SYN3: variants seen among roughly 807,000 people sequenced by gnomAD.
SYN3 encodes the protein synapsin III.
SYN3 carries 35 observed loss-of-function variants against 65.8 expected under a neutral mutation model. The observed-to-expected ratio is 0.53, with a 90% CI of 0.41 to 0.70. SYN3 has a LOEUF of 0.70. Ranked by LOEUF, SYN3 falls within the 30% of genes least tolerant of loss-of-function variation. SYN3 has a pLI of 0.00. For missense variants in SYN3, 680 were observed against 749.0 expected (o/e 0.91, Z 1.08); for synonymous variants, 270 against 292.9 (o/e 0.92, Z 0.80).
intron 6 of SYN3, among the ~76,000 whole-genome samples, chr22:32,755,370 C>T (rs1216920469): frequency 6.6e-6 from 1 of 152,192 alleles, no homozygotes; most frequent in Non-Finnish European, 1.5e-5. Flanking sequence ...GGAAAGCAAT[C>T]TTGAGAGCCC....
intron 6 of SYN3, among the ~76,000 whole-genome samples, chr22:32,806,589 T>C (rs578186286): frequency 6.6e-6 from 1 of 152,326 alleles, no homozygotes; most frequent in East Asian, 1.9e-4. Flanking sequence ...TGGGGCTTGT[T>C]GGCTGTGTGT....
At chr22:32,567,851 G>A (rs1035717425) in intron 7 of SYN3, among the ~76,000 whole-genome samples, 7 of 152,108 alleles carry the variant, frequency 4.6e-5, no homozygotes, top group Non-Finnish European at 1.0e-4. Flanking sequence ...CCAGGAAGAG[G>A]AGGTTTATTG....
At chr22:32,518,768 A>G (rs1227456981) in intron 12 of SYN3, among the ~76,000 whole-genome samples, 1 of 152,182 alleles carries the variant, frequency 6.6e-6, no homozygotes, top group Admixed American at 6.5e-5. Context: ...CAAAATAAAG[A>G]TTCTGATAGA....
chr22:32,682,789 G>C (rs914228745), intron 6 of SYN3, among the ~76,000 whole-genome samples: 82 of 152,252 alleles, frequency 5.4e-4, no homozygotes, highest in Middle Eastern at 3.4e-3. Flanking sequence ...TGCCTGGACT[G>C]CAGGTAGGCA....
intron 6 of SYN3, among the ~76,000 whole-genome samples, chr22:32,625,554 T>C (rs1420405514): frequency 6.6e-6 from 1 of 152,216 alleles, no homozygotes; most frequent in African/African-American, 2.4e-5. Context: ...ACGGAATAAA[T>C]AGACCACTTT....
intron 3 of SYN3, among the ~76,000 whole-genome samples, chr22:32,941,767 G>A (rs1003179822): frequency 3.3e-5 from 5 of 152,218 alleles, no homozygotes; most frequent in Non-Finnish European, 5.9e-5. Context: ...GTGCTTTTCC[G>A]AGGGTCTTAG....
At chr22:32,596,794 T>G in intron 6 of SYN3, 58 bp from the exon 7 acceptor site, 9 of 1,544,592 alleles carry the variant, frequency 5.8e-6, no homozygotes, top group African/African-American at 1.4e-5. Flanking sequence ...ACCAAGGCTC[T>G]GGGTGCTGCT....
At chr22:32,612,601 G>A (rs992026532) in intron 6 of SYN3, among the ~76,000 whole-genome samples, 3 of 152,218 alleles carry the variant, frequency 2.0e-5, no homozygotes, top group African/African-American at 7.2e-5. Flanking sequence ...CAACATTTTG[G>A]GAGGTCAAGG....
chr22:32,603,961 G>T (rs1370963642), intron 6 of SYN3, among the ~76,000 whole-genome samples: 1 of 152,212 alleles, frequency 6.6e-6, no homozygotes, highest in Admixed American at 6.5e-5. Flanking sequence ...TTATTCAAAA[G>T]AACCCAAAGA....
intron 3 of SYN3, among the ~76,000 whole-genome samples, chr22:32,949,816 T>C (rs12157614): frequency 2.0e-5 from 3 of 152,084 alleles, no homozygotes; most frequent in Admixed American, 6.5e-5. Context: ...AACAGGTCAA[T>C]AGGAAAGAAG....
chr22:32,914,386 C>T (rs1335443656), intron 4 of SYN3, among the ~76,000 whole-genome samples: 1 of 151,644 alleles, frequency 6.6e-6, no homozygotes, highest in Non-Finnish European at 1.5e-5. Context: ...TACTCTGTGA[C>T]TCAGTTTCCC....
intron 6 of SYN3, among the ~76,000 whole-genome samples, chr22:32,794,333 T>C (rs1357212817): frequency 2.6e-5 from 4 of 152,150 alleles, no homozygotes; most frequent in East Asian, 1.9e-4. Flanking sequence ...CTCTAGCCTA[T>C]GTGACAATGA....
At chr22:32,839,165 A>G (rs1336251731) in intron 6 of SYN3, among the ~76,000 whole-genome samples, 1 of 152,056 alleles carries the variant, frequency 6.6e-6, no homozygotes, top group Non-Finnish European at 1.5e-5. Context: ...TCAGAGTGAT[A>G]GGGTTTGAGG....
In SYN3 at chr22:32,745,706, G is replaced by A. The variant is rs527816718; in HGVS notation, c.711+119209C>T. On this transcript the variant is annotated intron_variant, in intron 6 of 13. Coordinates refer to ENST00000358763, the MANE Select transcript of SYN3 (RefSeq NM_003490.4). ...AGGAGACAGAGGCAGAGAGAGAAAC[G>A]GACACGTACACCCAGATAGAGAGCA... is the stretch of plus-strand genomic sequence containing the variant. 1.8e-4 allele frequency among the ~76,000 whole-genome samples: 27 copies of A among 152,212 alleles called. No homozygotes were observed. The South Asian group carries it at 5.2e-3, about 29-fold the overall frequency.
At chr22:32,610,560 G>A (rs1167079616) in intron 6 of SYN3, among the ~76,000 whole-genome samples, 1 of 116,556 alleles carries the variant, frequency 8.6e-6, no homozygotes. Context: ...CACTTTGTAT[G>A]TGTGTTTTTG....
At chr22:32,862,513 C>T (rs778936027) in intron 6 of SYN3, 1 of 152,226 alleles carries the variant, frequency 6.6e-6, no homozygotes, top group Non-Finnish European at 1.5e-5. Context: ...ATGCCCCAGA[C>T]CTCTGTCTTG....
chr22:32,591,619 C>T (rs2059128765), intron 7 of SYN3, among the ~76,000 whole-genome samples: 1 of 152,172 alleles, frequency 6.6e-6, no homozygotes, highest in Admixed American at 6.5e-5. Context: ...ACTCTATTAT[C>T]ACCACGGCTT....
At chr22:32,656,148 A>G (rs2060139710) in intron 6 of SYN3, among the ~76,000 whole-genome samples, 2 of 152,330 alleles carry the variant, frequency 1.3e-5, no homozygotes, top group African/African-American at 4.8e-5. Context: ...ACTACCGTCT[A>G]CTGTTTCACA....
intron 6 of SYN3, among the ~76,000 whole-genome samples, chr22:32,727,424 T>C (rs1353380200): frequency 6.6e-6 from 1 of 152,240 alleles, no homozygotes; most frequent in African/African-American, 2.4e-5. Flanking sequence ...GCCTTTGCCA[T>C]TGTGAATAGT....
Sources: allele counts gnomAD v4.1 joint callset (sites outside exome capture counted in the v4.1 genomes callset), GRCh38; gene constraint gnomAD v4.1.1; transcripts MANE v1.5; gene names NCBI Gene and HGNC (gene_info 2026-07-23, HGNC 2026-07-21).